ENOX2: variants seen among roughly 807,000 people sequenced by gnomAD.
ENOX2 encodes the protein ecto-NOX disulfide-thiol exchanger 2, also known as APK1 antigen.
A neutral mutation model predicts 45.0 loss-of-function variants in ENOX2; 36 were observed. The ratio of observed to expected loss-of-function variants is 0.80; its 90% CI spans 0.61 to 1.06. The LOEUF (loss-of-function observed/expected upper bound fraction) is 1.06, where lower values mean the gene tolerates loss of function less well. ENOX2 is among the 50% of genes least tolerant of loss of function. The probability of loss-of-function intolerance (pLI) is 0.00; values close to 1 mark genes in which losing one functional copy is unlikely to be tolerated. For missense variants in ENOX2, 423 were observed against 462.5 expected (o/e 0.91, Z 0.78); for synonymous variants, 174 against 152.3 (o/e 1.14, Z -1.05).
At chrX:130,718,131 T>A (rs970938028) in intron 3 of ENOX2, among the ~76,000 whole-genome samples, 4 of 110,510 alleles carry the variant, frequency 3.6e-5, no homozygotes, top group African/African-American at 1.3e-4. Context: ...TCCACTCAGC[T>A]AGAGGAGTAG....
chrX:130,735,822 A>T (rs1394729752), intron 3 of ENOX2, among the ~76,000 whole-genome samples: 1 of 111,749 alleles, frequency 8.9e-6, no homozygotes, highest in East Asian at 2.8e-4. Flanking sequence ...CTTTACTGAC[A>T]TTGAAAGATG....
intron 13 of ENOX2, among the ~76,000 whole-genome samples, chrX:130,630,735 C>G (rs754650453): frequency 2.7e-5 from 3 of 111,060 alleles, no homozygotes; most frequent in Non-Finnish European, 5.7e-5. Flanking sequence ...ACTTTGTAGC[C>G]AAATCAGACA....
intron 2 of ENOX2, among the ~76,000 whole-genome samples, chrX:130,894,442 T>C (rs1569337917): frequency 9.2e-6 from 1 of 109,280 alleles, no homozygotes; most frequent in Non-Finnish European, 1.9e-5. Flanking sequence ...TTTTTTTTTT[T>C]GGTAGAAGAT....
At chrX:130,851,445 G>C (rs1460780350) in intron 2 of ENOX2, among the ~76,000 whole-genome samples, 1 of 109,150 alleles carries the variant, frequency 9.2e-6, no homozygotes, top group Non-Finnish European at 1.9e-5. Context: ...GGGATAAATG[G>C]ATGTATTTTT....
chrX:130,824,154 C>T (rs776778149), intron 2 of ENOX2, among the ~76,000 whole-genome samples: 48 of 111,337 alleles, frequency 4.3e-4, no homozygotes, highest in African/African-American at 1.5e-3. Flanking sequence ...GGCTTTTTTC[C>T]AGGTTGAAAG....
At chrX:130,864,183 T>A (rs1035849016) in intron 2 of ENOX2, among the ~76,000 whole-genome samples, 1 of 111,135 alleles carries the variant, frequency 9.0e-6, no homozygotes, top group African/African-American at 3.3e-5. Context: ...TTAATATATA[T>A]GGGATATCAT....
chrX:130,626,855 A>G (rs1219089411), intron 14 of ENOX2, among the ~76,000 whole-genome samples: 1 of 111,642 alleles, frequency 9.0e-6, no homozygotes, highest in Non-Finnish European at 1.9e-5. Flanking sequence ...CCTATATTCA[A>G]TGGCACTTCT....
chrX:130,785,540 A>G (rs1436793741), intron 2 of ENOX2, among the ~76,000 whole-genome samples: 1 of 111,077 alleles, frequency 9.0e-6, no homozygotes, highest in African/African-American at 3.3e-5. Flanking sequence ...TCTGGATCTT[A>G]AGCGAACTGT....
intron 2 of ENOX2, among the ~76,000 whole-genome samples, chrX:130,894,272 C>G (rs2079023874): frequency 9.1e-6 from 1 of 109,323 alleles, no homozygotes; most frequent in African/African-American, 3.3e-5. Flanking sequence ...ATTTCTGGTT[C>G]TAGATCCTTG....
intron 10 of ENOX2, chrX:130,645,670 C>T (rs2036211109): frequency 6.0e-6 from 3 of 500,115 alleles, no homozygotes; most frequent in Non-Finnish European, 6.5e-6. Flanking sequence ...CACCTAAGGG[C>T]TGGGCCTGCT....
At chrX:130,753,945 A>G (rs914791034) in intron 3 of ENOX2, among the ~76,000 whole-genome samples, 2 of 111,622 alleles carry the variant, frequency 1.8e-5, no homozygotes, top group Admixed American at 9.5e-5. Context: ...TGAATATGAA[A>G]TTATAGCTAG....
At chrX:130,846,433 A>G (rs1346204218) in intron 2 of ENOX2, among the ~76,000 whole-genome samples, 1 of 108,161 alleles carries the variant, frequency 9.2e-6, no homozygotes, top group African/African-American at 3.4e-5. Context: ...TGCCTCCCGG[A>G]TTCAAGCGAT....
intron 3 of ENOX2, among the ~76,000 whole-genome samples, chrX:130,762,899 T>C (rs1361941791): frequency 8.9e-6 from 1 of 111,901 alleles, no homozygotes; most frequent in African/African-American, 3.3e-5. Flanking sequence ...CTAGTTGTTA[T>C]ATCAATTATT....
chrX:130,871,621 C>T (rs1255506240), intron 2 of ENOX2, among the ~76,000 whole-genome samples: 3 of 111,033 alleles, frequency 2.7e-5, no homozygotes, highest in Non-Finnish European at 5.7e-5. Context: ...AGGTGAAGGG[C>T]GAGGACAAAC....
intron 2 of ENOX2, among the ~76,000 whole-genome samples, chrX:130,873,094 T>C (rs1327627886): frequency 2.7e-5 from 3 of 111,700 alleles, no homozygotes; most frequent in Non-Finnish European, 5.6e-5. Context: ...GAAACTATCA[T>C]CAGAGTGAAC....
rs140869888 is a variant in ENOX2 at position 130,659,801 on chromosome X, T to G, written c.1015-3106A>C. ...TCTCAGAAGAGTAAAATATGTTCCT[T>G]CTAGGGAAATGTCCCAGGGCAGGAA... On this transcript the variant is annotated intron_variant, in intron 9 of 14. Transcript: ENST00000394363. Among the ~76,000 whole-genome samples the G allele has an allele frequency of 3.9e-3, 442 of 112,370 alleles. 2 individuals are homozygous for G. Among genetic ancestry groups the G allele is most frequent in the African/African-American group, 0.014 (428 of 30,961 alleles).
rs1187089755 is a variant in ENOX2, at chrX:130,793,643, A to G, written c.-182-9953T>C. 2.7e-5 allele frequency among the ~76,000 whole-genome samples: 3 copies of G among 111,954 alleles called. No individual in the cohort carries two copies. In the Admixed American group the frequency reaches 2.8e-4, roughly 11 times the overall value. ...TCTAAATCCATATTTTCGTACACTC[A>G]TAATGTTCTCTGTGTTTTTTCTGTG... On this transcript the variant is annotated intron_variant, in intron 2 of 14. Coordinates refer to ENST00000394363, the MANE Select transcript of ENOX2 (RefSeq NM_006375.4).
chrX:130,672,271 C>T (rs1052213387), intron 6 of ENOX2, among the ~76,000 whole-genome samples: 4 of 112,019 alleles, frequency 3.6e-5, no homozygotes, highest in Non-Finnish European at 5.6e-5. Flanking sequence ...GAGCCTTCTG[C>T]CTGCACCCAC....
rs182414720 is a variant in ENOX2, at chrX:130,633,385, G to C, written c.1419+1599C>G. Reference sequence around the variant, plus strand: ...GGTTGAAATATTTGGTCACAAATCAGCTTCCCAGAGAAGATCAGTTTATAA... The same window carrying C: ...GGTTGAAATATTTGGTCACAAATCACCTTCCCAGAGAAGATCAGTTTATAA... On this transcript the variant is annotated intron_variant, in intron 12 of 14. Transcript: ENST00000394363. Among the ~76,000 whole-genome samples, 746 of 112,630 alleles carry C rather than the reference G, an allele frequency of 6.6e-3. 9 individuals are homozygous for C. The highest frequency in any genetic ancestry group is 0.023 in the African/African-American group (715 of 31,066).
Sources: gnomAD v4.1 joint callset for allele counts (sites outside exome capture counted in the v4.1 genomes callset) on GRCh38, gnomAD v4.1.1 for gene constraint, MANE v1.5 for transcripts, NCBI Gene and HGNC (gene_info 2026-07-23, HGNC 2026-07-21) for gene names.